Variants in DPP6 observed in about 807,000 individuals in gnomAD.
DPP6 encodes dipeptidyl peptidase like 6, also known as A-type potassium channel modulatory protein DPP6.
DPP6 carries 69 observed loss-of-function variants against 122.6 expected under a neutral mutation model. That is an observed-to-expected ratio of 0.56 (90% CI 0.46 to 0.69). The LOEUF is 0.69. Among genes scored for constraint, DPP6 ranks in the 30% least tolerant of loss-of-function variants. The pLI is 0.00. For synonymous variants in DPP6, 418 were observed against 433.1 expected, an observed-to-expected ratio of 0.97 and a Z score of 0.43; for missense variants, 928 against 1,116.9, an observed-to-expected ratio of 0.83 and a Z score of 2.41.
chr7:154,561,270 A>C (rs1830410368), intron 4 of DPP6, among the ~76,000 whole-genome samples: 1 of 152,258 alleles, frequency 6.6e-6, no homozygotes, highest in South Asian at 2.1e-4. Context: ...ACATGTGTGC[A>C]TCACATCACT....
chr7:154,835,724 G>A (rs1162171858), intron 16 of DPP6, among the ~76,000 whole-genome samples: 2 of 152,198 alleles, frequency 1.3e-5, no homozygotes, highest in Non-Finnish European at 2.9e-5. Flanking sequence ...CAGAGGCTGA[G>A]AGCCCAGAGT....
chr7:154,001,861 C>G (rs957986414), intron 1 of DPP6, among the ~76,000 whole-genome samples: 2 of 152,104 alleles, frequency 1.3e-5, no homozygotes, highest in African/African-American at 4.8e-5. Context: ...AAAACAGATA[C>G]TGACGATTGT....
the DPP6 span, among the ~76,000 whole-genome samples, chr7:153,792,847 T>G: frequency 6.6e-6 from 1 of 152,154 alleles, no homozygotes; most frequent in South Asian, 2.1e-4. Context: ...GGCCAGTCTT[T>G]CCCATGCTAT....
intron 7 of DPP6, among the ~76,000 whole-genome samples, chr7:154,719,802 G>A (rs570692941): frequency 2.6e-5 from 4 of 152,286 alleles, no homozygotes; most frequent in African/African-American, 4.8e-5. Context: ...AATGGGAAAC[G>A]GAGTCTTCTG....
the DPP6 span, among the ~76,000 whole-genome samples, chr7:153,781,830 C>T: frequency 9.2e-5 from 14 of 151,964 alleles, no homozygotes; most frequent in Non-Finnish European, 1.5e-4. Context: ...CAAATTCAGT[C>T]ATCTTAAAGA....
chr7:154,444,966 T>G (rs1488303903), intron 1 of DPP6, among the ~76,000 whole-genome samples: 2 of 152,228 alleles, frequency 1.3e-5, no homozygotes, highest in Non-Finnish European at 2.9e-5. Flanking sequence ...GTAGAAATTC[T>G]AAACCACTGT....
intron 1 of DPP6, among the ~76,000 whole-genome samples, chr7:154,245,688 C>T (rs967846308): frequency 4.8e-5 from 7 of 145,788 alleles, no homozygotes; most frequent in African/African-American, 1.3e-4. Flanking sequence ...ATGTAGACTT[C>T]GAGATAAGGA....
intron 12 of DPP6, among the ~76,000 whole-genome samples, chr7:154,796,880 T>G (rs1481117008): frequency 6.6e-6 from 1 of 152,222 alleles, no homozygotes; most frequent in Admixed American, 6.5e-5. Context: ...ATCCTGTTTC[T>G]GCTCTGTGTC....
intron 1 of DPP6, among the ~76,000 whole-genome samples, chr7:154,306,774 A>C (rs1806385387): frequency 6.6e-6 from 1 of 152,210 alleles, no homozygotes. Context: ...GTAAATACGG[A>C]CATTAAAAAT....
At chr7:154,408,789 G>A (rs762682703) in intron 1 of DPP6, among the ~76,000 whole-genome samples, 54 of 149,348 alleles carry the variant, frequency 3.6e-4, no homozygotes, top group Non-Finnish European at 3.1e-4. Context: ...TTCTGACCTT[G>A]AATCATTTAT....
At chr7:154,307,533 A>C (rs1279361091) in intron 1 of DPP6, among the ~76,000 whole-genome samples, 1 of 152,070 alleles carries the variant, frequency 6.6e-6, no homozygotes, top group East Asian at 1.9e-4. Flanking sequence ...CAGAGATAAG[A>C]TAAGCCAGAT....
At chr7:154,683,230 G>A (rs528265155) in intron 7 of DPP6, among the ~76,000 whole-genome samples, 11 of 152,170 alleles carry the variant, frequency 7.2e-5, no homozygotes, top group East Asian at 1.9e-4. Flanking sequence ...TGAGTGTGCC[G>A]TCTGACCTCC....
intron 1 of DPP6, among the ~76,000 whole-genome samples, chr7:154,085,787 G>T (rs1804364696): frequency 6.6e-6 from 1 of 152,128 alleles, no homozygotes; most frequent in Non-Finnish European, 1.5e-5. Context: ...GAATGCAATG[G>T]CACGATCTTG....
intron 3 of DPP6, among the ~76,000 whole-genome samples, chr7:154,539,212 C>T (rs1172603021): frequency 6.6e-6 from 1 of 152,170 alleles, no homozygotes; most frequent in East Asian, 1.9e-4. Flanking sequence ...CCCTGCCTCT[C>T]AACCTGCAAC....
At chr7:154,845,345 T>C (rs765092824) in intron 16 of DPP6, among the ~76,000 whole-genome samples, 3 of 152,222 alleles carry the variant, frequency 2.0e-5, no homozygotes, top group Middle Eastern at 3.2e-3. Flanking sequence ...TTGGTACTTA[T>C]GGCACTTTCT....
chr7:154,793,467 G>T (rs575799932), intron 10 of DPP6: 1 of 152,186 alleles, frequency 6.6e-6, no homozygotes, highest in Admixed American at 6.5e-5. Context: ...GCAGAATCAG[G>T]CGCATGACCC....
At chr7:154,060,949 C>T (rs1275538332) in intron 1 of DPP6, among the ~76,000 whole-genome samples, 8 of 147,984 alleles carry the variant, frequency 5.4e-5, no homozygotes, top group African/African-American at 1.2e-4. Context: ...GGACCCCCAT[C>T]GTTGATGTTA....
intron 5 of DPP6, among the ~76,000 whole-genome samples, chr7:154,609,174 G>A (rs1462966668): frequency 2.0e-5 from 3 of 152,056 alleles, no homozygotes; most frequent in African/African-American, 4.8e-5. Flanking sequence ...CGCACTTTAC[G>A]TATTCTCGAA....
chr7:153,903,326 C>G (rs1312532137), intron 1 of DPP6, among the ~76,000 whole-genome samples: 1 of 152,212 alleles, frequency 6.6e-6, no homozygotes, highest in Non-Finnish European at 1.5e-5. Flanking sequence ...AAGCCTGCCA[C>G]TCAGAAGCCT....
Sources: gnomAD v4.1 joint callset for allele counts (sites outside exome capture counted in the v4.1 genomes callset) on GRCh38, gnomAD v4.1.1 for gene constraint, MANE v1.5 for transcripts, NCBI Gene and HGNC (gene_info 2026-07-23, HGNC 2026-07-21) for gene names.